ZC3H7B: variants seen among roughly 807,000 people sequenced by gnomAD.
The protein encoded by ZC3H7B is zinc finger CCCH domain-containing protein 7B.
ZC3H7B carries 35 observed loss-of-function variants against 116.0 expected under a neutral mutation model. That is an observed-to-expected ratio of 0.30 (90% CI 0.23 to 0.40). The LOEUF (loss-of-function observed/expected upper bound fraction) is 0.40. Among genes scored for constraint, ZC3H7B ranks in the 10% least tolerant of loss-of-function variants. The pLI is 1.00. For synonymous variants in ZC3H7B, 502 were observed against 545.6 expected, an observed-to-expected ratio of 0.92 and a Z score of 1.11; for missense variants, 1,011 against 1,321.5, an observed-to-expected ratio of 0.77 and a Z score of 3.64.
At position 41,346,586 on chromosome 22, in the gene ZC3H7B, C is replaced by T. The variant is rs572862512; in HGVS notation, c.1665+378C>T. On this transcript the variant is annotated intron_variant, in intron 14 of 22. Transcript: ENST00000352645. This position sits in a 1 kb window ranked among gnomAD's most constrained non-coding sequence, Gnocchi z 5.3. Reference sequence around the variant, plus strand: ...ATCCCAGCACTTTGGGAGGCTGAGGCGGGCAAATCAATTGAGGTCAGGAGT... The same window carrying T: ...ATCCCAGCACTTTGGGAGGCTGAGGTGGGCAAATCAATTGAGGTCAGGAGT... Among the ~76,000 whole-genome samples, 4 of 151,994 alleles carry T rather than the reference C, an allele frequency of 2.6e-5. No individual in the cohort carries two copies. The South Asian group carries it at 8.3e-4, about 31-fold the overall frequency.
rs2145939314 is a variant in ZC3H7B at position 41,349,601 on chromosome 22, A to G, written c.1948+300A>G. Among the ~76,000 whole-genome samples the G allele has an allele frequency of 6.6e-6, 1 of 152,298 alleles. No individual in the cohort carries two copies. The highest frequency in any genetic ancestry group is 2.4e-5 in the African/African-American group (1 of 41,564). On this transcript the variant is annotated intron_variant, in intron 16 of 22. Transcript: ENST00000352645. The surrounding 1 kb of genome is among the most constrained non-coding windows in gnomAD (Gnocchi z 4.9). ...AGAGGAGCACCTGGGCTCCTGCAGC[A>G]GGACCTCTGCTTGCTCCCTGGGTGG... is the stretch of plus-strand genomic sequence containing the variant.
At chr22:41,339,751 T>C in intron 9 of ZC3H7B, 65 bp from the exon 10 acceptor site, 1 of 1,470,330 alleles carries the variant, frequency 6.8e-7, no homozygotes. Flanking sequence ...CCCCAAGTCC[T>C]GATGCTGCCC....
intron 1 of ZC3H7B, among the ~76,000 whole-genome samples, chr22:41,303,458 C>T (rs773852935): frequency 6.6e-6 from 1 of 152,110 alleles, no homozygotes; most frequent in African/African-American, 2.4e-5. Context: ...GCTGAGATGT[C>T]GGTTGAGACA....
rs2036334555 is a variant in ZC3H7B, at chr22:41,327,601, G to A, written c.444+237G>A. ...CACCTAATACTGGCAATAACCCTAA[G>A]AGGCAGATACTGTGATTATTCTCAT... On this transcript the variant is annotated intron_variant, in intron 5 of 22. Transcript: ENST00000352645. This position sits in a 1 kb window ranked among gnomAD's most constrained non-coding sequence, Gnocchi z 4.5. Among the ~76,000 whole-genome samples, 1 of 152,216 alleles carries A rather than the reference G, an allele frequency of 6.6e-6. No individual in the cohort carries two copies. The highest frequency in any genetic ancestry group is 2.1e-4 in the South Asian group (1 of 4,824).
In ZC3H7B at chr22:41,338,226, A is replaced by G. The variant is rs546223260; in HGVS notation, c.583-87A>G. The G allele has an allele frequency of 6.7e-5, 96 of 1,429,372 alleles. No homozygotes were observed. In the Admixed American group the frequency reaches 6.9e-4, roughly 10 times the overall value. The allele number at this position is 1,429,372 out of a possible 1,614,324, so 88.5% of individuals were successfully genotyped here. A position where few individuals can be genotyped will look rare whatever the true frequency, so the allele number is the denominator to read the frequency against. On this transcript the variant is annotated intron_variant, in intron 7 of 22. Coordinates refer to ENST00000352645, the MANE Select transcript of ZC3H7B (RefSeq NM_017590.6). The surrounding 1 kb of genome is among the most constrained non-coding windows in gnomAD (Gnocchi z 4.5). Reference sequence around the variant, plus strand: ...AAGTGCTCCTCGGTGCTGGGTCAACAGCATAGTCACGTGGGGAGGGGCTGG... The same window carrying G: ...AAGTGCTCCTCGGTGCTGGGTCAACGGCATAGTCACGTGGGGAGGGGCTGG...
In ZC3H7B at chr22:41,348,437, A is replaced by T. The variant is rs570380551; in HGVS notation, c.1766+270A>T. 2.6e-5 allele frequency among the ~76,000 whole-genome samples: 4 copies of T among 152,368 alleles called. No individual in the cohort carries two copies. The East Asian group carries it at 7.7e-4, about 29-fold the overall frequency. ...AGTTACTGGCCCTGTTGTACAGAAC[A>T]AAAAGCTGAGGCTTGGAAGTAGCTT... On this transcript the variant is annotated intron_variant, in intron 15 of 22. Coordinates refer to ENST00000352645, the MANE Select transcript of ZC3H7B (RefSeq NM_017590.6).
chr22:41,347,360 G>A (rs1237999751), intron 14 of ZC3H7B, among the ~76,000 whole-genome samples: 1 of 152,226 alleles, frequency 6.6e-6, no homozygotes, highest in African/African-American at 2.4e-5. Flanking sequence ...AGTGGCCATT[G>A]CGCTTCCCTG....
At chr22:41,324,628 T>C (rs74904234) in intron 2 of ZC3H7B, among the ~76,000 whole-genome samples, 2,872 of 152,232 alleles carry the variant, frequency 0.019, 88 homozygotes, top group African/African-American at 0.065. Context: ...GAGGGAGCAT[T>C]AGCCACAGGA....
chr22:41,336,967 C>G (rs966258295), intron 7 of ZC3H7B: 7 of 151,648 alleles, frequency 4.6e-5, no homozygotes, highest in African/African-American at 1.7e-4. Context: ...GAAACCCCAT[C>G]TCTACTAAAA....
At chr22:41,341,399 C>CCAGTGTTA (rs1427154057) in intron 11 of ZC3H7B, among the ~76,000 whole-genome samples, 1 of 152,152 alleles carries the variant, frequency 6.6e-6, no homozygotes, top group African/African-American at 2.4e-5. Context: ...AGTGACTTCC[C>CCAGTGTTA]CAGTGTTAGT....
rs1487358755 is a variant in ZC3H7B at position 41,346,161 on chromosome 22, G to A, written c.1618G>A (p.Ala540Thr). 1.9e-6 allele frequency: 3 copies of A among 1,612,280 alleles called. No individual in the cohort carries two copies. The highest frequency in any genetic ancestry group is 2.5e-6 in the Non-Finnish European group (3 of 1,179,960). Residue 540 changes from alanine to threonine, a missense_variant, in exon 14 of 23, where the codon GCC becomes ACC. By Grantham distance (58) the Ala-to-Thr change is moderately conservative. This residue lies in a region of ZC3H7B where 179 missense variants were observed against 178.5 expected (regional missense o/e 1.00). Transcript: ENST00000352645. This position sits in a 1 kb window ranked among gnomAD's most constrained non-coding sequence, Gnocchi z 5.3. ...TGTTAAGCGCGGCAGCCTCACCATC[G>A]CCAAGCTCCTGAAGGAGCACCAGGG... ...GGVKRGSLTIAKLLKEHQGIF... is the reference protein window; with the variant it reads ...GGVKRGSLTITKLLKEHQGIF...
At chr22:41,339,299 G>C in intron 9 of ZC3H7B, 108 bp downstream of exon 9, 1 of 1,361,576 alleles carries the variant, frequency 7.3e-7, no homozygotes, top group Non-Finnish European at 9.8e-7. Context: ...TGTGTCTCAG[G>C]AGGAGGCCTC....
chr22:41,357,347 TC>T lies in ZC3H7B; in HGVS notation c.2854del (p.Leu952CysfsTer48). ...PRDDDFGKYNFLLQEDGDLAG... is the reference protein window; with the variant it reads ...PRDDDFGKYNXLLQEDGDLAG... ...GACGACGACTTTGGCAAATACAACT[TC>T]CTGCTGCAAGAGGACGGGGACCTTG... On this transcript the variant is annotated frameshift_variant, in exon 23 of 23. Coordinates refer to ENST00000352645, the MANE Select transcript of ZC3H7B (RefSeq NM_017590.6). LOFTEE classifies it high-confidence loss of function. This position sits in a 1 kb window ranked among gnomAD's most constrained non-coding sequence, Gnocchi z 5.4. The T allele has an allele frequency of 6.2e-7, 1 of 1,613,560 alleles. No individual in the cohort carries two copies. The highest frequency in any genetic ancestry group is 8.5e-7 in the Non-Finnish European group (1 of 1,179,950).
Position 41,338,808 on chromosome 22 carries a change from C to T in ZC3H7B, c.626-193C>T, listed in dbSNP as rs977204394. 6.6e-6 allele frequency among the ~76,000 whole-genome samples: 1 copy of T among 152,196 alleles called. No homozygotes were observed. On this transcript the variant is annotated intron_variant, in intron 8 of 22. Coordinates refer to ENST00000352645, the MANE Select transcript of ZC3H7B (RefSeq NM_017590.6). This position sits in a 1 kb window ranked among gnomAD's most constrained non-coding sequence, Gnocchi z 4.5. ...TCATAGGACTGAGGGCCCCTCCCTG[C>T]TCTGGGGCTGTGGCCTTCCTTGACC...
chr22:41,358,547 T>G lies in ZC3H7B; in HGVS notation c.*1118T>G, dbSNP rs1286023999. 6.6e-6 allele frequency: 1 copy of G among 152,238 alleles called. No homozygotes were observed. The highest frequency in any genetic ancestry group is 6.6e-5 in the Admixed American group (1 of 15,254). 9.4% of individuals were successfully genotyped at this position (152,238 alleles called of 1,614,324 possible). On this transcript the variant is annotated 3_prime_UTR_variant, in exon 23 of 23. Transcript: ENST00000352645. ...GGGGAATGCGGAGAAAAGGGAGGCT[T>G]GACCCCGGGCACCATGGGCCACTCC... is the stretch of plus-strand genomic sequence containing the variant.
rs1264299362 is a variant in ZC3H7B at position 41,327,132 on chromosome 22, T to C, written c.286-74T>C. The C allele has an allele frequency of 1.9e-6, 3 of 1,575,882 alleles. No homozygotes were observed. The highest frequency in any genetic ancestry group is 3.4e-5 in the Admixed American group (2 of 58,014). ...AGGAAGGGAAGCTGGTGTTCCTTCC[T>C]AGGCAGGGGCAGGAGGCCTGGGGGA... is the stretch of plus-strand genomic sequence containing the variant. On this transcript the variant is annotated intron_variant, in intron 4 of 22. Coordinates refer to ENST00000352645, the MANE Select transcript of ZC3H7B (RefSeq NM_017590.6). This position sits in a 1 kb window ranked among gnomAD's most constrained non-coding sequence, Gnocchi z 4.5.
At chr22:41,311,120 G>A (rs2145898871) in intron 1 of ZC3H7B, among the ~76,000 whole-genome samples, 1 of 143,522 alleles carries the variant, frequency 7.0e-6, no homozygotes, top group South Asian at 2.2e-4. Flanking sequence ...ATATGTGCAT[G>A]TGTGCACATC....
chr22:41,313,362 T>C (rs2036143027), intron 1 of ZC3H7B, among the ~76,000 whole-genome samples: 1 of 152,202 alleles, frequency 6.6e-6, no homozygotes, highest in Non-Finnish European at 1.5e-5. Flanking sequence ...TCCGCCCACC[T>C]TGGCCTCCCA....
Position 41,357,267 on chromosome 22 carries a change from G to C in ZC3H7B, c.2772G>C (p.Glu924Asp). ...TCAACGAGTGGCTGGACCGGCGCGA[G>C]GTGCTGAAGCAGAAGTTGGCCAAGG... is the stretch of plus-strand genomic sequence containing the variant. ...EELNEWLDRR[E>D]VLKQKLAKAR... The change falls in exon 23 of 23, where the codon GAG (glutamate) becomes GAC (aspartate). Residue 924 changes from glutamate to aspartate, a missense_variant. This residue lies in a region of ZC3H7B where 406 missense variants were observed against 590.2 expected (regional missense o/e 0.69). Coordinates refer to ENST00000352645, the MANE Select transcript of ZC3H7B (RefSeq NM_017590.6). The surrounding 1 kb of genome is among the most constrained non-coding windows in gnomAD (Gnocchi z 5.4). 1.2e-6 allele frequency: 2 copies of C among 1,613,770 alleles called. No homozygotes were observed. Among genetic ancestry groups the C allele is most frequent in the South Asian group, 2.2e-5 (2 of 91,090 alleles).
Sources: gnomAD v4.1 joint callset for allele counts (sites outside exome capture counted in the v4.1 genomes callset) on GRCh38, gnomAD v4.1.1 for gene constraint, gnomAD v4.1.1 regional missense constraint, Gnocchi (gnomAD v3.1) non-coding constraint, MANE v1.5 for transcripts, NCBI Gene and HGNC (gene_info 2026-07-23, HGNC 2026-07-21) for gene names.